Variants in UGT2B10 observed in about 807,000 individuals in gnomAD.
UGT2B10 encodes UDP-glucuronosyltransferase 2B10.
UGT2B10 carries 51 observed loss-of-function variants against 43.7 expected under a neutral mutation model. The ratio of observed to expected loss-of-function variants is 1.17; its 90% CI spans 0.93 to 1.47. UGT2B10 has a LOEUF of 1.47. UGT2B10 is among the 40% of genes most tolerant of loss of function. UGT2B10 has a pLI of 0.00. For missense variants in UGT2B10, 696 were observed against 617.7 expected (o/e 1.13, Z -1.34); for synonymous variants, 225 against 209.0 (o/e 1.08, Z -0.66).
rs116466320 is a variant in UGT2B10 at position 68,826,271 on chromosome 4, G to A, written c.1000-139G>A. 5.1e-3 allele frequency: 4,535 copies of A among 889,990 alleles called. 152 individuals are homozygous for A. The African/African-American group carries it at 0.07, about 14-fold the overall frequency. 55.1% of individuals were successfully genotyped at this position (889,990 alleles called of 1,614,324 possible). A position where few individuals can be genotyped will look rare whatever the true frequency, so the allele number is the denominator to read the frequency against. On this transcript the variant is annotated intron_variant, in intron 3 of 5. Coordinates refer to ENST00000265403, the MANE Select transcript of UGT2B10 (RefSeq NM_001075.6). ...ATAAAAGTTCAGAAAATAAAATGTG[G>A]TTATTCTTTTTGCATCAGTCTTTGA...
intron 4 of UGT2B10, 76 bp downstream of exon 4, chr4:68,826,573 C>A: frequency 6.8e-7 from 1 of 1,472,540 alleles, no homozygotes; most frequent in Non-Finnish European, 9.2e-7. Context: ...TCGAAGCATG[C>A]TTATTGAATA....
intron 2 of UGT2B10, among the ~76,000 whole-genome samples, chr4:68,821,600 A>G (rs1377024286): frequency 1.3e-5 from 2 of 152,186 alleles, no homozygotes; most frequent in Non-Finnish European, 2.9e-5. Context: ...ACTGATTCAT[A>G]AATATTCCAA....
chr4:68,827,625 CT>C (rs1414374877), intron 5 of UGT2B10, 77 bp downstream of exon 5: 3 of 1,577,192 alleles, frequency 1.9e-6, no homozygotes, highest in Non-Finnish European at 2.6e-6. Context: ...GAGTTTCATC[CT>C]TTTTATAAGA....
Position 68,824,210 on chromosome 4 carries a change from A to G in UGT2B10, c.999+1808A>G, listed in dbSNP as rs2109695706. On this transcript the variant is annotated intron_variant, in intron 3 of 5. Transcript: ENST00000265403. ...AAAGAGTGGCCTAGGCCAACAGACAACTAGTCCAAGTACCCACACAACCAG... is the reference window on the plus strand; with the variant it reads ...AAAGAGTGGCCTAGGCCAACAGACAGCTAGTCCAAGTACCCACACAACCAG... Among the ~76,000 whole-genome samples, 2 of 152,326 alleles carry G rather than the reference A, an allele frequency of 1.3e-5. 1 individual carries two copies. Among genetic ancestry groups the G allele is most frequent in the Non-Finnish European group, 2.9e-5 (2 of 68,030 alleles).
At position 68,826,399 on chromosome 4, in the gene UGT2B10, T is replaced by C; in HGVS notation, c.1000-11T>C. The C allele has an allele frequency of 1.2e-6, 2 of 1,607,254 alleles. No homozygotes were observed. Among genetic ancestry groups the C allele is most frequent in the Non-Finnish European group, 1.7e-6 (2 of 1,177,916 alleles). On this transcript the variant is annotated splice_polypyrimidine_tract_variant and intron_variant, in intron 3 of 5. Coordinates refer to ENST00000265403, the MANE Select transcript of UGT2B10 (RefSeq NM_001075.6). ...CACTCGTGGAATAAGATATTCTCTT[T>C]ACTGTAACAGGTTCTTTGGAGATTT... is the stretch of plus-strand genomic sequence containing the variant.
chr4:68,829,420 G>C (rs1737969565), intron 5 of UGT2B10, among the ~76,000 whole-genome samples: 1 of 151,986 alleles, frequency 6.6e-6, no homozygotes, highest in African/African-American at 2.4e-5. Context: ...TTTGCCTCAA[G>C]ATAATGTTCA....
intron 3 of UGT2B10, among the ~76,000 whole-genome samples, chr4:68,826,037 T>G (rs750907213): frequency 6.6e-6 from 1 of 152,088 alleles, no homozygotes; most frequent in African/African-American, 2.4e-5. Context: ...CCATTCTGAC[T>G]GGTGTGCGAT....
chr4:68,819,004 C>T lies in UGT2B10; in HGVS notation c.867+827C>T, dbSNP rs114019457. On this transcript the variant is annotated intron_variant, in intron 2 of 5. Transcript: ENST00000265403. Reference sequence around the variant, plus strand: ...TGCAGAAGGGCCAGACTGTAAAGACCGAAACATTCAGGAAATTTTCCATGG... The same window carrying T: ...TGCAGAAGGGCCAGACTGTAAAGACTGAAACATTCAGGAAATTTTCCATGG... Among the ~76,000 whole-genome samples the T allele has an allele frequency of 6.9e-3, 1,050 of 151,806 alleles. 18 individuals carry two copies. Among genetic ancestry groups the T allele is most frequent in the African/African-American group, 0.023 (948 of 41,450 alleles).
rs1217219258 is a variant in UGT2B10 at position 68,820,338 on chromosome 4, T to C, written c.868-1933T>C. 2.6e-5 allele frequency among the ~76,000 whole-genome samples: 4 copies of C among 152,066 alleles called. No individual in the cohort carries two copies. In the East Asian group the frequency reaches 5.8e-4, roughly 22 times the overall value. ...ATTATATATTAGATTCTCAGATAAT[T>C]TCTATATATTTTAAGAGAATAAGAC... On this transcript the variant is annotated intron_variant, in intron 2 of 5. Transcript: ENST00000265403.
Position 68,816,488 on chromosome 4 carries a change from G to A in UGT2B10, c.469G>A (p.Glu157Lys). Residue 157 changes from glutamate (E) to lysine (K), a missense_variant, in exon 1 of 6, where the codon GAG becomes AAG. By Grantham distance (56) the Glu-to-Lys change is moderately conservative. Transcript: ENST00000265403. ...VFADAYLPCG[E>K]LLAELFNIPF... ...TGCAGATGCTTATTTACCCTGTGGT[G>A]AGCTGCTGGCTGAGCTATTTAACAT... The A allele has an allele frequency of 1.2e-6, 2 of 1,613,250 alleles. No individual in the cohort carries two copies. Among genetic ancestry groups the A allele is most frequent in the East Asian group, 4.5e-5 (2 of 44,806 alleles).
intron 2 of UGT2B10, 59 bp from the exon 3 acceptor site, chr4:68,822,212 G>T: frequency 6.3e-7 from 1 of 1,579,568 alleles, no homozygotes; most frequent in Non-Finnish European, 8.6e-7. Flanking sequence ...CAATTCTTTC[G>T]GTAGTGCCTG....
At chr4:68,817,523 G>C (rs1030844372) in intron 1 of UGT2B10, among the ~76,000 whole-genome samples, 1 of 151,696 alleles carries the variant, frequency 6.6e-6, no homozygotes, top group African/African-American at 2.4e-5. Context: ...CAAATGAGTA[G>C]TTGGTACAAT....
Position 68,816,856 on chromosome 4 carries a change from GA to G in UGT2B10, c.718+123del, listed in dbSNP as rs1737239667. 12 of 873,718 alleles carry G rather than the reference GA, an allele frequency of 1.4e-5. No homozygotes were observed. The South Asian group carries it at 1.7e-4, about 13-fold the overall frequency. The allele number at this position is 873,718 out of a possible 1,614,324, so 54.1% of individuals were successfully genotyped here. On this transcript the variant is annotated intron_variant, in intron 1 of 5. Coordinates refer to ENST00000265403, the MANE Select transcript of UGT2B10 (RefSeq NM_001075.6). ...TTTTTGGTAAATGAATTTATGAAAT[GA>G]AAATACAAGATGATCTACCAATCTC...
chr4:68,821,782 C>T (rs72849047), intron 2 of UGT2B10, among the ~76,000 whole-genome samples: 6,417 of 152,096 alleles, frequency 0.042, 313 homozygotes, highest in East Asian at 0.22. Flanking sequence ...AGTAGCTTTT[C>T]CTCAGTACTC....
rs1200637907 is a variant in UGT2B10, at chr4:68,831,005, CTTGTCAAGTAAAAAT to C, written c.*131_*145del. On this transcript the variant is annotated 3_prime_UTR_variant, in exon 6 of 6. Coordinates refer to ENST00000265403, the MANE Select transcript of UGT2B10 (RefSeq NM_001075.6). ...AAAAAAAAATCCTTTCGAAGTCTAC[CTTGTCAAGTAAAAAT>C]TTGTTTTTCAGAGATTTACCACCCA... 9.8e-6 allele frequency: 13 copies of C among 1,328,670 alleles called. No individual in the cohort carries two copies. Among genetic ancestry groups the C allele is most frequent in the African/African-American group, 1.5e-5 (1 of 67,308 alleles). The allele number at this position is 1,328,670 out of a possible 1,614,324, so 82.3% of individuals were successfully genotyped here. A position where few individuals can be genotyped will look rare whatever the true frequency, so the allele number is the denominator to read the frequency against.
chr4:68,827,150 A>G (rs1015854495), intron 4 of UGT2B10, among the ~76,000 whole-genome samples, 179 bp from the exon 5 acceptor site: 2 of 151,980 alleles, frequency 1.3e-5, no homozygotes, highest in Non-Finnish European at 2.9e-5. Context: ...AAGTCACACC[A>G]CCATATAGCC....
rs572900300 is a variant in UGT2B10 at position 68,824,049 on chromosome 4, C to A, written c.999+1647C>A. On this transcript the variant is annotated intron_variant, in intron 3 of 5. Transcript: ENST00000265403. ...GTTTTAATGGGTGACTTCAGTAGCA[C>A]AATAACAATAGCAGGTATTTCAAAA... Among the ~76,000 whole-genome samples the A allele has an allele frequency of 2.6e-5, 4 of 152,228 alleles. No individual in the cohort carries two copies. The South Asian group carries it at 6.2e-4, about 24-fold the overall frequency.
intron 1 of UGT2B10, 44 bp from the exon 2 acceptor site, chr4:68,817,985 A>T (rs1454789319): frequency 6.4e-7 from 1 of 1,574,058 alleles, no homozygotes; most frequent in African/African-American, 1.4e-5. Context: ...ACATAAAGTA[A>T]TTATCTTATG....
At chr4:68,818,267 C>G in intron 2 of UGT2B10, 90 bp downstream of exon 2, 2 of 1,558,086 alleles carry the variant, frequency 1.3e-6, no homozygotes, top group Non-Finnish European at 1.7e-6. Context: ...TTGACTAACA[C>G]TGAAAAAGAT....
Sources: allele counts gnomAD v4.1 joint callset (sites outside exome capture counted in the v4.1 genomes callset), GRCh38; gene constraint gnomAD v4.1.1; transcripts MANE v1.5; gene names NCBI Gene and HGNC (gene_info 2026-07-23, HGNC 2026-07-21).